The following HGF variants were observed in gnomAD, a reference collection of about 807,000 sequenced individuals.
The protein encoded by HGF is hepatocyte growth factor, also known as fibroblast-derived tumor cytotoxic factor.
Under a neutral mutation model 111.6 loss-of-function variants are expected in HGF, and 39 were observed. The ratio of observed to expected loss-of-function variants is 0.35; its 90% confidence interval spans 0.27 to 0.46. HGF has a LOEUF of 0.46. Among genes scored for constraint, HGF ranks in the 20% least tolerant of loss-of-function variants. The pLI, the probability that HGF is intolerant of heterozygous loss-of-function variation, is 1.00. For missense variants in HGF, 735 were observed against 910.5 expected (o/e 0.81, Z 2.48); for synonymous variants, 285 against 294.8 (o/e 0.97, Z 0.34).
Position 81,700,347 on chromosome 7 carries a change from G to C in HGF, c.*2234C>G, listed in dbSNP as rs1304463154. The C allele has an allele frequency of 1.3e-5, 2 of 151,520 alleles. No homozygotes were observed. Among genetic ancestry groups the C allele is most frequent in the African/African-American group, 4.8e-5 (2 of 41,370 alleles). The allele number at this position is 151,520 out of a possible 1,614,324, so 9.4% of individuals were successfully genotyped here. A position where few individuals can be genotyped will look rare whatever the true frequency, so the allele number is the denominator to read the frequency against. ...TATCACGAAAGGAGCCTCCCAAAGA[G>C]AGAATTACTTTGTACGGTTTGTTTG... On this transcript the variant is annotated 3_prime_UTR_variant, in exon 18 of 18. Coordinates refer to ENST00000222390, the MANE Select transcript of HGF (RefSeq NM_000601.6).
intron 2 of HGF, 76 bp downstream of exon 2, chr7:81,762,631 C>T (rs1014542218): frequency 9.1e-7 from 1 of 1,097,634 alleles, no homozygotes; most frequent in East Asian, 2.4e-5. Flanking sequence ...TTGACTACAA[C>T]ACAAAAGACA....
chr7:81,726,187 C>A (rs953135813), intron 8 of HGF, among the ~76,000 whole-genome samples, 170 bp from the exon 9 acceptor site: 4 of 152,184 alleles, frequency 2.6e-5, no homozygotes, highest in African/African-American at 9.7e-5. Flanking sequence ...ATAACTGACT[C>A]TGCCCAAATT....
At position 81,699,148 on chromosome 7, in the gene HGF, C is replaced by T. The variant is rs1289999113; in HGVS notation, c.*3433G>A. Reference sequence around the variant, plus strand: ...TGGGTAAGCATACAGCTATACCACTCAATAGGCAGCTTATTAATTTCCTAT... The same window carrying T: ...TGGGTAAGCATACAGCTATACCACTTAATAGGCAGCTTATTAATTTCCTAT... On this transcript the variant is annotated 3_prime_UTR_variant, in exon 18 of 18. Transcript: ENST00000222390. 6.6e-6 allele frequency: 1 copy of T among 151,428 alleles called. No homozygotes were observed. Among genetic ancestry groups the T allele is most frequent in the Non-Finnish European group, 1.5e-5 (1 of 67,600 alleles). 9.4% of individuals were successfully genotyped at this position (151,428 alleles called of 1,614,324 possible).
chr7:81,760,973 A>G (rs1249052830), intron 2 of HGF, among the ~76,000 whole-genome samples: 1 of 152,150 alleles, frequency 6.6e-6, no homozygotes, highest in Non-Finnish European at 1.5e-5. Context: ...TTTCCTAAGT[A>G]TACGGTTGAC....
chr7:81,741,167 A>G (rs1373331287), intron 7 of HGF, among the ~76,000 whole-genome samples: 5 of 152,122 alleles, frequency 3.3e-5, no homozygotes, highest in Non-Finnish European at 5.9e-5. Flanking sequence ...TATCTCTTTC[A>G]TATATGTATT....
At chr7:81,712,614 T>C (rs1789601843) in intron 11 of HGF, among the ~76,000 whole-genome samples, 1 of 152,178 alleles carries the variant, frequency 6.6e-6, no homozygotes, top group African/African-American at 2.4e-5. Context: ...TTGAAATACT[T>C]ATGCTGTAAT....
In HGF at chr7:81,729,530, T is replaced by C. The variant is rs886505852; in HGVS notation, c.1040+75A>G. 4.1e-5 allele frequency: 46 copies of C among 1,130,122 alleles called. No homozygotes were observed. In the African/African-American group the frequency reaches 5.0e-4, roughly 12 times the overall value. The allele number at this position is 1,130,122 out of a possible 1,614,324, so 70.0% of individuals were successfully genotyped here. A position where few individuals can be genotyped will look rare whatever the true frequency, so the allele number is the denominator to read the frequency against. The stretch of plus-strand genomic sequence containing the variant: ...TGAAGTTTGATCACTAACACAAAAT[T>C]AGTAAAAAGTAACCACTCTACCTCA... On this transcript the variant is annotated intron_variant, in intron 8 of 17. Transcript: ENST00000222390.
At chr7:81,727,264 C>T (rs1790042417) in intron 8 of HGF, among the ~76,000 whole-genome samples, 1 of 151,294 alleles carries the variant, frequency 6.6e-6, no homozygotes, top group Non-Finnish European at 1.5e-5. Context: ...AGGATGGTCT[C>T]AATCTCCTGA....
At chr7:81,717,083 G>T in intron 11 of HGF, 149 bp downstream of exon 11, 1 of 722,842 alleles carries the variant, frequency 1.4e-6, no homozygotes, top group Non-Finnish European at 2.5e-6. Flanking sequence ...GTGTCTGTGT[G>T]TGTGTTGTGT....
intron 1 of HGF, among the ~76,000 whole-genome samples, chr7:81,767,798 T>C (rs536724678): frequency 2.2e-3 from 335 of 152,268 alleles, no homozygotes; most frequent in African/African-American, 7.6e-3. Flanking sequence ...ATTCATAGAA[T>C]AAATAATTAT....
chr7:81,720,021 A>G (rs926284515), intron 10 of HGF, among the ~76,000 whole-genome samples: 4 of 152,194 alleles, frequency 2.6e-5, no homozygotes, highest in Non-Finnish European at 5.9e-5. Flanking sequence ...ATGTTTATGA[A>G]AAAATCTGCT....
chr7:81,703,888 A>G (rs1200801731), intron 17 of HGF, among the ~76,000 whole-genome samples: 1 of 151,744 alleles, frequency 6.6e-6, no homozygotes, highest in African/African-American at 2.4e-5. Context: ...AGTTTATTCC[A>G]AGAGACTATA....
intron 5 of HGF, among the ~76,000 whole-genome samples, chr7:81,746,336 G>A (rs757105557): frequency 2.3e-4 from 35 of 152,160 alleles, no homozygotes; most frequent in Non-Finnish European, 4.1e-4. Flanking sequence ...ATAAGCACCT[G>A]AACTGTAAAT....
intron 7 of HGF, among the ~76,000 whole-genome samples, chr7:81,731,080 T>C (rs1289634615): frequency 6.6e-6 from 1 of 152,236 alleles, no homozygotes; most frequent in East Asian, 1.9e-4. Context: ...CTACCTTATG[T>C]AGTTAGTTGA....
intron 1 of HGF, among the ~76,000 whole-genome samples, chr7:81,767,122 T>C (rs1789395244): frequency 6.6e-6 from 1 of 152,158 alleles, no homozygotes; most frequent in Admixed American, 6.5e-5. Flanking sequence ...TGGACTTCAG[T>C]ACCATATAAC....
chr7:81,712,083 CTG>C (rs1032297821), intron 11 of HGF, among the ~76,000 whole-genome samples: 2 of 152,122 alleles, frequency 1.3e-5, no homozygotes, highest in African/African-American at 4.8e-5. Flanking sequence ...TATTTTATGA[CTG>C]TGGAGGCTCT....
intron 11 of HGF, among the ~76,000 whole-genome samples, chr7:81,713,563 C>G (rs1026307832): frequency 1.3e-5 from 2 of 151,606 alleles, no homozygotes; most frequent in African/African-American, 4.8e-5. Flanking sequence ...TTTGTAGACA[C>G]TATACATTTT....
chr7:81,769,200 C>T (rs1221912423), intron 1 of HGF, among the ~76,000 whole-genome samples: 1 of 152,104 alleles, frequency 6.6e-6, no homozygotes, highest in Non-Finnish European at 1.5e-5. Context: ...TTTCAAGCAA[C>T]TCCTCCCCAA....
chr7:81,751,068 T>A (rs1356679807), intron 5 of HGF: 1 of 983,900 alleles, frequency 1.0e-6, no homozygotes, highest in Non-Finnish European at 1.2e-6. Flanking sequence ...AAACAAATCC[T>A]TCTCTGTGAC....
Sources: allele counts gnomAD v4.1 joint callset (sites outside exome capture counted in the v4.1 genomes callset), GRCh38; gene constraint gnomAD v4.1.1; transcripts MANE v1.5; gene names NCBI Gene and HGNC (gene_info 2026-07-23, HGNC 2026-07-21).